The following TMEM132C variants were observed in gnomAD, a reference collection of about 807,000 sequenced individuals.
The protein encoded by TMEM132C is transmembrane protein 132C.
TMEM132C carries 29 observed loss-of-function variants against 61.4 expected under a neutral mutation model. The observed-to-expected ratio is 0.47, with a 90% CI of 0.35 to 0.64. The LOEUF (loss-of-function observed/expected upper bound fraction) is 0.64. Among genes scored for constraint, TMEM132C ranks in the 30% least tolerant of loss-of-function variants. TMEM132C has a pLI of 0.00. For missense variants in TMEM132C, 1,408 were observed against 1,476.9 expected (o/e 0.95, Z 0.76); for synonymous variants, 656 against 633.1 (o/e 1.04, Z -0.54).
intron 3 of TMEM132C, among the ~76,000 whole-genome samples, chr12:128,604,251 AGGAT>A (rs1876317112): frequency 6.6e-6 from 1 of 152,056 alleles, no homozygotes; most frequent in South Asian, 2.1e-4. Flanking sequence ...GATGGATTGA[AGGAT>A]AGATAGAATG....
intron 4 of TMEM132C, among the ~76,000 whole-genome samples, chr12:128,659,465 G>A (rs2135619200): frequency 6.6e-6 from 1 of 152,338 alleles, no homozygotes; most frequent in South Asian, 2.1e-4. Context: ...CCTTCCTCAA[G>A]GAAAATGTGA....
chr12:128,556,511 C>A (rs1205322315), intron 3 of TMEM132C, among the ~76,000 whole-genome samples: 1 of 152,122 alleles, frequency 6.6e-6, no homozygotes, highest in African/African-American at 2.4e-5. Context: ...CAGAAATATT[C>A]CAAGGAACAT....
intron 2 of TMEM132C, among the ~76,000 whole-genome samples, chr12:128,517,230 C>CAATAAATA (rs1555229186): frequency 1.3e-5 from 1 of 77,600 alleles, no homozygotes; most frequent in African/African-American, 4.7e-5. Context: ...GACTCCGTCT[C>CAATAAATA]AACAAATAAA....
At chr12:128,390,831 G>C (rs1874742646) in intron 1 of TMEM132C, among the ~76,000 whole-genome samples, 1 of 151,192 alleles carries the variant, frequency 6.6e-6, no homozygotes, top group Non-Finnish European at 1.5e-5. Context: ...CTGCACAGGT[G>C]GCCTGGACTG....
chr12:128,523,930 T>C (rs910666810), intron 2 of TMEM132C, among the ~76,000 whole-genome samples: 1 of 151,698 alleles, frequency 6.6e-6, no homozygotes, highest in African/African-American at 2.4e-5. Context: ...GGAGGATTGC[T>C]TCAGCCCTGC....
chr12:128,630,848 C>A lies in TMEM132C; in HGVS notation c.1305+14513C>A, dbSNP rs969126068. On this transcript the variant is annotated intron_variant, in intron 4 of 8. Coordinates refer to ENST00000435159, the MANE Select transcript of TMEM132C (RefSeq NM_001136103.3). The surrounding 1 kb of genome is among the most constrained non-coding windows in gnomAD (Gnocchi z 4.3). ...AGGAAATCGAGACCATCCTGGCCAACAGGGTGAAACCCATCTCTACTAAAA... is the reference window on the plus strand; with the variant it reads ...AGGAAATCGAGACCATCCTGGCCAAAAGGGTGAAACCCATCTCTACTAAAA... Among the ~76,000 whole-genome samples the A allele has an allele frequency of 2.6e-5, 4 of 152,172 alleles. No homozygotes were observed. Among genetic ancestry groups the A allele is most frequent in the Non-Finnish European group, 4.4e-5 (3 of 68,034 alleles).
At chr12:128,449,284 G>A (rs1870102606) in intron 2 of TMEM132C, among the ~76,000 whole-genome samples, 1 of 151,952 alleles carries the variant, frequency 6.6e-6, no homozygotes, top group Admixed American at 6.6e-5. Context: ...ATGTGCTCTC[G>A]GCTCCATCGT....
intron 2 of TMEM132C, among the ~76,000 whole-genome samples, chr12:128,472,203 A>G (rs1870974892): frequency 6.6e-6 from 1 of 152,112 alleles, no homozygotes; most frequent in Non-Finnish European, 1.5e-5. Flanking sequence ...TCGGGTTTCT[A>G]TATTGATGTT....
chr12:128,392,064 T>TCTCTCTCTCTCTCTCTCTC (rs1555222005), intron 1 of TMEM132C, among the ~76,000 whole-genome samples: 2 of 130,494 alleles, frequency 1.5e-5, no homozygotes, highest in African/African-American at 6.5e-5. Flanking sequence ...CTCTCTCTCT[T>TCTCTCTCTCTCTCTCTCTC]TCTCTCTCTC....
At chr12:128,364,894 G>A (rs1213493848) in intron 1 of TMEM132C, among the ~76,000 whole-genome samples, 1 of 152,230 alleles carries the variant, frequency 6.6e-6, no homozygotes, top group African/African-American at 2.4e-5. Context: ...AGTATCCCTG[G>A]CTCCCATCTG....
intron 1 of TMEM132C, among the ~76,000 whole-genome samples, chr12:128,336,554 A>G (rs1218942622): frequency 1.3e-5 from 2 of 152,224 alleles, no homozygotes; most frequent in Non-Finnish European, 2.9e-5. Context: ...TAAATATCAA[A>G]TATGTATCAT....
At chr12:128,470,555 T>C (rs1365036342) in intron 2 of TMEM132C, among the ~76,000 whole-genome samples, 1 of 152,094 alleles carries the variant, frequency 6.6e-6, no homozygotes, top group Non-Finnish European at 1.5e-5. Flanking sequence ...TGTAAGGAAA[T>C]AATCCAGTTC....
intron 2 of TMEM132C, among the ~76,000 whole-genome samples, chr12:128,450,488 C>T (rs997383086): frequency 6.6e-6 from 1 of 152,148 alleles, no homozygotes; most frequent in African/African-American, 2.4e-5. Context: ...TGATTAAAGA[C>T]CAATAAAATG....
intron 1 of TMEM132C, among the ~76,000 whole-genome samples, chr12:128,337,129 G>A (rs1313927151): frequency 6.6e-6 from 1 of 152,082 alleles, no homozygotes; most frequent in Admixed American, 6.5e-5. Flanking sequence ...TGGAAGAGAT[G>A]GTGTGGGAGT....
At chr12:128,688,661 A>G (rs1954696171) in intron 5 of TMEM132C, among the ~76,000 whole-genome samples, 2 of 152,228 alleles carry the variant, frequency 1.3e-5, no homozygotes, top group Admixed American at 1.3e-4. Context: ...AACATCCAGG[A>G]TACAGAAGGA....
chr12:128,680,653 C>G (rs554690552), intron 5 of TMEM132C, among the ~76,000 whole-genome samples: 1 of 152,184 alleles, frequency 6.6e-6, no homozygotes, highest in African/African-American at 2.4e-5. Flanking sequence ...AGCACAGAAT[C>G]AAAACCTTTG....
intron 1 of TMEM132C, among the ~76,000 whole-genome samples, chr12:128,344,180 C>T (rs1404578085): frequency 3.9e-5 from 6 of 151,952 alleles, no homozygotes; most frequent in East Asian, 1.9e-4. Flanking sequence ...TTTTTTGAGA[C>T]GGAGTCTTGC....
intron 1 of TMEM132C, among the ~76,000 whole-genome samples, chr12:128,307,499 C>T (rs1174136207): frequency 6.6e-6 from 1 of 151,660 alleles, no homozygotes; most frequent in Non-Finnish European, 1.5e-5. Context: ...TTACATTTCA[C>T]AATTGTTTTG....
At chr12:128,486,742 G>A (rs967724686) in intron 2 of TMEM132C, among the ~76,000 whole-genome samples, 1 of 152,144 alleles carries the variant, frequency 6.6e-6, no homozygotes, top group African/African-American at 2.4e-5. Flanking sequence ...GTCCGGGGAA[G>A]TTCTGGTGAC....
Sources: allele counts gnomAD v4.1 joint callset (sites outside exome capture counted in the v4.1 genomes callset), GRCh38; gene constraint gnomAD v4.1.1; non-coding constraint Gnocchi (gnomAD v3.1); transcripts MANE v1.5; gene names NCBI Gene and HGNC (gene_info 2026-07-23, HGNC 2026-07-21).